Variants in SUMF1 observed in about 807,000 individuals in gnomAD.
The protein encoded by SUMF1 is formylglycine-generating enzyme.
SUMF1 carries 48 observed loss-of-function variants against 47.6 expected under a neutral mutation model. The observed-to-expected ratio is 1.01, with a 90% CI of 0.80 to 1.28. SUMF1 has a LOEUF of 1.28. Ranked by LOEUF, SUMF1 falls within the 50% of genes most tolerant of loss-of-function variation. The pLI, the probability that SUMF1 is intolerant of heterozygous loss-of-function variation, is 0.00. For synonymous variants in SUMF1, 230 were observed against 192.1 expected (o/e 1.20, Z -1.63); for missense variants, 571 against 485.4 (o/e 1.18, Z -1.66).
intron 7 of SUMF1, among the ~76,000 whole-genome samples, chr3:4,404,166 C>T (rs537877494): frequency 1.1e-3 from 172 of 152,264 alleles, no homozygotes; most frequent in Non-Finnish European, 1.8e-3. Context: ...GATGAAGAAC[C>T]TTGCAACTGA....
rs199817489 is a variant in SUMF1, at chr3:4,404,487, G to A, written c.954+6378C>T. 9.9e-5 allele frequency among the ~76,000 whole-genome samples: 9 copies of A among 91,112 alleles called. No homozygotes were observed. The East Asian group carries it at 1.7e-3, about 18-fold the overall frequency. The allele number at this position is 91,112 out of a possible 152,430, so 59.8% of individuals were successfully genotyped here. On this transcript the variant is annotated intron_variant, in intron 7 of 8. Transcript: ENST00000272902. ...AAAACATGTGAGTGGGCCAGGTGCA[G>A]TGGCTCATGCCTGTAATCCTAGTAC...
At chr3:4,242,961 T>C (rs1212886841) in intron 8 of SUMF1, among the ~76,000 whole-genome samples, 1 of 152,208 alleles carries the variant, frequency 6.6e-6, no homozygotes, top group Non-Finnish European at 1.5e-5. Context: ...AGCCTGTTAT[T>C]GGTCTATTCA....
intron 8 of SUMF1, among the ~76,000 whole-genome samples, chr3:4,221,564 TATC>T (rs1696065342): frequency 6.6e-6 from 1 of 152,078 alleles, no homozygotes; most frequent in African/African-American, 2.4e-5. Context: ...ACAACATTCT[TATC>T]ATCATCTAAT....
chr3:4,145,484 C>A (rs1273048552), intron 8 of SUMF1, among the ~76,000 whole-genome samples: 1 of 152,146 alleles, frequency 6.6e-6, no homozygotes, highest in Non-Finnish European at 1.5e-5. Context: ...TCTTGTCCCT[C>A]TTGTTCTGGC....
At chr3:4,430,267 T>G (rs1315138219) in intron 3 of SUMF1, among the ~76,000 whole-genome samples, 2 of 152,204 alleles carry the variant, frequency 1.3e-5, no homozygotes, top group Admixed American at 6.5e-5. Flanking sequence ...GTTAAACTAA[T>G]TTTTAATTGC....
At chr3:4,146,210 T>C (rs571060420) in intron 8 of SUMF1, among the ~76,000 whole-genome samples, 1 of 151,622 alleles carries the variant, frequency 6.6e-6, no homozygotes, top group African/African-American at 2.4e-5. Context: ...GAGGGGTGGA[T>C]GAAAGAGGAA....
intron 8 of SUMF1, chr3:4,303,238 G>A (rs534921158): frequency 1.6e-5 from 15 of 962,026 alleles, no homozygotes; most frequent in South Asian, 1.3e-4. Context: ...GAAGGGAAGC[G>A]CCTTCCAGGC....
chr3:4,440,454 A>G (rs1247638413), intron 3 of SUMF1, among the ~76,000 whole-genome samples: 1 of 152,188 alleles, frequency 6.6e-6, no homozygotes, highest in East Asian at 1.9e-4. Context: ...GGCATTTCTC[A>G]TTACAACCCA....
At chr3:4,049,409 T>A (rs1416703988) in intron 9 of SUMF1, among the ~76,000 whole-genome samples, 1 of 152,192 alleles carries the variant, frequency 6.6e-6, no homozygotes. Context: ...CCAAAATATT[T>A]GCTGGATGGC....
intron 7 of SUMF1, among the ~76,000 whole-genome samples, chr3:4,389,715 AT>A (rs1028296826): frequency 4.6e-5 from 7 of 151,912 alleles, no homozygotes; most frequent in African/African-American, 1.5e-4. Flanking sequence ...CAGTTCACTG[AT>A]TTTTCCCCCC....
At chr3:4,355,966 G>A (rs1426137708) in intron 8 of SUMF1, among the ~76,000 whole-genome samples, 1 of 152,174 alleles carries the variant, frequency 6.6e-6, no homozygotes, top group African/African-American at 2.4e-5. Context: ...AATAGGGCAA[G>A]TTTCAGGAAA....
intron 3 of SUMF1, among the ~76,000 whole-genome samples, chr3:4,441,913 A>G (rs1233631037): frequency 2.6e-5 from 4 of 152,232 alleles, no homozygotes; most frequent in African/African-American, 7.2e-5. Context: ...AGCAATACCC[A>G]AAACCCAGGA....
chr3:4,434,472 T>C (rs1393698996), intron 3 of SUMF1, among the ~76,000 whole-genome samples: 2 of 152,170 alleles, frequency 1.3e-5, no homozygotes, highest in Non-Finnish European at 2.9e-5. Flanking sequence ...ATCTTATAAA[T>C]GCGCAACAGT....
chr3:4,173,118 T>C (rs1324074431), intron 8 of SUMF1, among the ~76,000 whole-genome samples: 1 of 152,196 alleles, frequency 6.6e-6, no homozygotes, highest in African/African-American at 2.4e-5. Flanking sequence ...GAATCATTTC[T>C]CCATTGCTTA....
intron 8 of SUMF1, among the ~76,000 whole-genome samples, chr3:4,197,427 A>G (rs1695453098): frequency 6.6e-6 from 1 of 152,102 alleles, no homozygotes; most frequent in Non-Finnish European, 1.5e-5. Flanking sequence ...GAAAGATTAA[A>G]CTTACACCAT....
At chr3:4,326,989 A>G (rs1461944138) in intron 8 of SUMF1, among the ~76,000 whole-genome samples, 1 of 152,210 alleles carries the variant, frequency 6.6e-6, no homozygotes, top group African/African-American at 2.4e-5. Context: ...GCAAATAACT[A>G]TATTGTTATA....
chr3:4,147,072 C>A (rs1453820993), intron 8 of SUMF1, among the ~76,000 whole-genome samples: 1 of 152,130 alleles, frequency 6.6e-6, no homozygotes, highest in African/African-American at 2.4e-5. Flanking sequence ...AAATGCTCAT[C>A]ATCACTGGCC....
intron 8 of SUMF1, among the ~76,000 whole-genome samples, chr3:4,188,617 C>T (rs746180375): frequency 6.6e-6 from 1 of 152,054 alleles, no homozygotes; most frequent in Non-Finnish European, 1.5e-5. Flanking sequence ...GGCAGTGTAG[C>T]CTAGTGTCTA....
chr3:4,147,064 A>G (rs1469510713), intron 8 of SUMF1, among the ~76,000 whole-genome samples: 5 of 151,874 alleles, frequency 3.3e-5, no homozygotes, highest in Admixed American at 2.6e-4. Flanking sequence ...ACATGAAAAA[A>G]TGCTCATCAT....
Sources: gnomAD v4.1 joint callset for allele counts (sites outside exome capture counted in the v4.1 genomes callset) on GRCh38, gnomAD v4.1.1 for gene constraint, MANE v1.5 for transcripts, NCBI Gene and HGNC (gene_info 2026-07-23, HGNC 2026-07-21) for gene names.